The following FAM13A variants were observed in gnomAD, a reference collection of about 807,000 sequenced individuals.
FAM13A encodes protein FAM13A.
In FAM13A, 76 loss-of-function variants were observed where a neutral mutation model predicts 129.6. That is an observed-to-expected ratio of 0.59 (90% CI 0.49 to 0.71). The LOEUF (loss-of-function observed/expected upper bound fraction) is 0.71, where lower values mean the gene tolerates loss of function less well. Ranked by LOEUF, FAM13A falls within the 30% of genes least tolerant of loss-of-function variation. The pLI, the probability that FAM13A is intolerant of heterozygous loss-of-function variation, is 0.00. For missense variants in FAM13A, 1,108 were observed against 1,249.3 expected (o/e 0.89, Z 1.70); for synonymous variants, 443 against 449.9 (o/e 0.98, Z 0.20).
chr4:89,000,548 G>A (rs2149050877), intron 3 of FAM13A, among the ~76,000 whole-genome samples: 1 of 152,238 alleles, frequency 6.6e-6, no homozygotes, highest in African/African-American at 2.4e-5. Context: ...GGGAGTGACT[G>A]CTAATGGGCA....
chr4:88,892,203 G>A (rs1292575550), intron 6 of FAM13A, among the ~76,000 whole-genome samples: 3 of 141,742 alleles, frequency 2.1e-5, no homozygotes, highest in Non-Finnish European at 3.0e-5. Context: ...TTTTTGAGAC[G>A]GAGTCTGGCT....
chr4:89,004,796 G>C (rs1301848053), intron 3 of FAM13A, among the ~76,000 whole-genome samples: 1 of 152,100 alleles, frequency 6.6e-6, no homozygotes, highest in Non-Finnish European at 1.5e-5. Context: ...ATTGGGAAGG[G>C]AGATTACATT....
intron 4 of FAM13A, among the ~76,000 whole-genome samples, chr4:88,963,364 C>A (rs1010193756): frequency 6.7e-6 from 1 of 149,462 alleles, no homozygotes; most frequent in African/African-American, 2.5e-5. Flanking sequence ...GTGGTGTGAT[C>A]TCAGCTCACT....
At chr4:88,738,767 A>G (rs1397589094) in intron 20 of FAM13A, among the ~76,000 whole-genome samples, 2 of 152,196 alleles carry the variant, frequency 1.3e-5, no homozygotes, top group Admixed American at 6.5e-5. Context: ...ATGGATGTAC[A>G]TGCCTTTTGG....
At chr4:88,999,657 A>T (rs1307993526) in intron 3 of FAM13A, among the ~76,000 whole-genome samples, 1 of 152,192 alleles carries the variant, frequency 6.6e-6, no homozygotes, top group Admixed American at 6.6e-5. Context: ...ATTTGGTGCC[A>T]TATGAGTTAA....
intron 7 of FAM13A, among the ~76,000 whole-genome samples, chr4:88,846,324 C>T (rs1419974662): frequency 3.3e-5 from 5 of 152,276 alleles, no homozygotes; most frequent in African/African-American, 1.2e-4. Flanking sequence ...AACATCTCCC[C>T]GAAATACCGA....
intron 6 of FAM13A, among the ~76,000 whole-genome samples, chr4:88,851,552 A>G (rs958183792): frequency 6.6e-6 from 1 of 152,166 alleles, no homozygotes; most frequent in Admixed American, 6.6e-5. Flanking sequence ...AATAAAAAAT[A>G]GTTGGAAGGA....
At chr4:88,932,444 G>A (rs1406343793) in intron 5 of FAM13A, among the ~76,000 whole-genome samples, 2 of 152,128 alleles carry the variant, frequency 1.3e-5, no homozygotes, top group South Asian at 2.1e-4. Context: ...TAGACTGTAA[G>A]GTCCCCCAAG....
chr4:88,870,253 G>A (rs1249001560), intron 6 of FAM13A, among the ~76,000 whole-genome samples: 1 of 152,194 alleles, frequency 6.6e-6, no homozygotes, highest in Non-Finnish European at 1.5e-5. Flanking sequence ...TTCCAACTGA[G>A]GTACCTGGTT....
At chr4:88,768,409 G>A (rs970543693) in intron 11 of FAM13A, 12 of 168,440 alleles carry the variant, frequency 7.1e-5, no homozygotes, top group South Asian at 1.7e-4. Context: ...TAGAATTGAG[G>A]AATCTGACAT....
At chr4:89,014,678 C>A (rs146417665) in intron 3 of FAM13A, among the ~76,000 whole-genome samples, 1 of 152,222 alleles carries the variant, frequency 6.6e-6, no homozygotes, top group Non-Finnish European at 1.5e-5. Context: ...ATTTCATGTA[C>A]ATTTATCACT....
At chr4:89,022,214 C>G (rs967166952) in intron 2 of FAM13A, among the ~76,000 whole-genome samples, 1 of 151,998 alleles carries the variant, frequency 6.6e-6, no homozygotes, top group Non-Finnish European at 1.5e-5. Context: ...AAAGAGGAAG[C>G]TAATTTTATT....
intron 17 of FAM13A, 65 bp downstream of exon 17, chr4:88,748,887 G>A: frequency 3.7e-6 from 4 of 1,093,494 alleles, no homozygotes; most frequent in Non-Finnish European, 5.7e-6. Context: ...CTCAGTGGGA[G>A]AGGAGGTGAG....
intron 5 of FAM13A, among the ~76,000 whole-genome samples, chr4:88,920,332 G>A (rs1037006549): frequency 5.3e-5 from 8 of 152,146 alleles, no homozygotes; most frequent in African/African-American, 1.7e-4. Flanking sequence ...TCACACGGCC[G>A]GGTACTCCTC....
chr4:88,817,924 C>T (rs1054957855), intron 7 of FAM13A, among the ~76,000 whole-genome samples: 11 of 152,194 alleles, frequency 7.2e-5, no homozygotes, highest in Admixed American at 6.5e-5. Flanking sequence ...ATACCCTTTA[C>T]ATCTGAGTAG....
At chr4:88,842,075 A>T (rs1278769359) in intron 7 of FAM13A, among the ~76,000 whole-genome samples, 2 of 152,282 alleles carry the variant, frequency 1.3e-5, no homozygotes, top group African/African-American at 4.8e-5. Context: ...TTATTCAGAC[A>T]TAAAAAGGAG....
At chr4:88,860,479 T>C (rs191633010) in intron 6 of FAM13A, among the ~76,000 whole-genome samples, 1 of 152,328 alleles carries the variant, frequency 6.6e-6, no homozygotes, top group Non-Finnish European at 1.5e-5. Flanking sequence ...TGCATTTCTA[T>C]GATATATCCA....
chr4:88,843,769 C>T (rs1013156128), intron 7 of FAM13A, among the ~76,000 whole-genome samples: 1 of 152,190 alleles, frequency 6.6e-6, no homozygotes, highest in Non-Finnish European at 1.5e-5. Context: ...GCCACAAGTG[C>T]AGAGAGCTGC....
chr4:88,913,102 GGAGGAA>G (rs1318470350), intron 5 of FAM13A, among the ~76,000 whole-genome samples: 8 of 149,564 alleles, frequency 5.3e-5, no homozygotes, highest in East Asian at 4.0e-4. Context: ...AAGAGGAGGA[GGAGGAA>G]GAGGAAGAGG....
Sources: gnomAD v4.1 joint callset for allele counts (sites outside exome capture counted in the v4.1 genomes callset) on GRCh38, gnomAD v4.1.1 for gene constraint, MANE v1.5 for transcripts, NCBI Gene and HGNC (gene_info 2026-07-23, HGNC 2026-07-21) for gene names.